Variants in NCALD observed in about 807,000 individuals in gnomAD.
The protein encoded by NCALD is neurocalcin-delta.
NCALD carries 10 observed loss-of-function variants against 18.6 expected under a neutral mutation model. That is an observed-to-expected ratio of 0.54 (90% CI 0.33 to 0.91). The LOEUF (loss-of-function observed/expected upper bound fraction) is 0.91, where lower values mean the gene tolerates loss of function less well. Ranked by LOEUF, NCALD falls within the 40% of genes least tolerant of loss-of-function variation. The probability of loss-of-function intolerance (pLI) is 0.03; values close to 1 mark genes in which losing one functional copy is unlikely to be tolerated. For synonymous variants in NCALD, 88 were observed against 87.4 expected, an observed-to-expected ratio of 1.01 and a Z score of -0.04; for missense variants, 184 against 247.6, an observed-to-expected ratio of 0.74 and a Z score of 1.72.
At chr8:102,063,241 G>C (rs1164154680) in intron 1 of NCALD, among the ~76,000 whole-genome samples, 1 of 152,160 alleles carries the variant, frequency 6.6e-6, no homozygotes, top group Non-Finnish European at 1.5e-5. Flanking sequence ...CATTCATCAT[G>C]CCTGAGCTGC....
At chr8:101,804,906 A>G (rs1813043699) in intron 4 of NCALD, among the ~76,000 whole-genome samples, 1 of 151,736 alleles carries the variant, frequency 6.6e-6, no homozygotes, top group African/African-American at 2.4e-5. Context: ...ATGCCTGTAC[A>G]CTGCAACCTA....
At chr8:101,784,289 G>T (rs555306714) in intron 1 of NCALD, among the ~76,000 whole-genome samples, 11 of 152,028 alleles carry the variant, frequency 7.2e-5, no homozygotes, top group Admixed American at 2.0e-4. Context: ...TGTGGTCTGG[G>T]TTTCCTACAA....
At chr8:102,116,860 G>A (rs1825805529) in intron 1 of NCALD, among the ~76,000 whole-genome samples, 2 of 152,128 alleles carry the variant, frequency 1.3e-5, no homozygotes, top group South Asian at 4.1e-4. Flanking sequence ...TTTGGAAAAA[G>A]GGTCTTTGCA....
chr8:101,929,431 A>G (rs1448853214), intron 2 of NCALD, among the ~76,000 whole-genome samples: 8 of 24,312 alleles, frequency 3.3e-4, no homozygotes, highest in African/African-American at 9.0e-4. Flanking sequence ...GGGAGGAAGG[A>G]AGGAAGGAAA....
At chr8:101,796,527 A>G (rs889960638) in intron 4 of NCALD, among the ~76,000 whole-genome samples, 1 of 152,242 alleles carries the variant, frequency 6.6e-6, no homozygotes, top group African/African-American at 2.4e-5. Context: ...TCACTAAAAA[A>G]TACAATGGAA....
intron 1 of NCALD, among the ~76,000 whole-genome samples, chr8:102,082,447 C>A (rs759461688): frequency 6.6e-6 from 1 of 151,856 alleles, no homozygotes; most frequent in Admixed American, 6.6e-5. Context: ...GAAATTGATA[C>A]AAATGAAAGG....
At position 101,797,241 on chromosome 8, in the gene NCALD, G is replaced by A. The variant is rs902160761; in HGVS notation, c.-19-77593C>T. On this transcript the variant is annotated intron_variant, in intron 4 of 6. Transcript: ENST00000311028. Reference sequence around the variant, plus strand: ...GTCTCAAATGTTTGGGGTTTGCAACGCAAAACAACAAATTTAAAAAGTTCT... The same window carrying A: ...GTCTCAAATGTTTGGGGTTTGCAACACAAAACAACAAATTTAAAAAGTTCT... Among the ~76,000 whole-genome samples the A allele has an allele frequency of 3.3e-5, 5 of 151,992 alleles. No individual in the cohort carries two copies. In the East Asian group the frequency reaches 5.8e-4, roughly 18 times the overall value.
intron 2 of NCALD, among the ~76,000 whole-genome samples, chr8:102,004,843 C>A (rs1292692714): frequency 6.6e-6 from 1 of 152,136 alleles, no homozygotes; most frequent in Non-Finnish European, 1.5e-5. Flanking sequence ...AAAGCTGAAA[C>A]TGGATCCCTT....
chr8:102,029,489 A>G lies in NCALD; in HGVS notation c.-209-9200T>C, dbSNP rs142940014. On this transcript the variant is annotated intron_variant, in intron 1 of 6. Coordinates refer to the NCALD transcript ENST00000311028. ...AAACATGAATGCTATAAGCCAAAAG[A>G]AATTGTCACAGACATTGATGTCATA... Among the ~76,000 whole-genome samples, 774 of 152,350 alleles carry G rather than the reference A, an allele frequency of 5.1e-3. 3 individuals are homozygous for G. Among genetic ancestry groups the G allele is most frequent in the Non-Finnish European group, 8.2e-3 (561 of 68,030 alleles).
At chr8:101,721,610 T>A (rs955549174) in intron 1 of NCALD, among the ~76,000 whole-genome samples, 5 of 152,130 alleles carry the variant, frequency 3.3e-5, no homozygotes, top group African/African-American at 1.2e-4. Context: ...AAAATAAACT[T>A]CTACGGGGTG....
intron 1 of NCALD, among the ~76,000 whole-genome samples, chr8:101,765,814 G>A (rs1811324284): frequency 6.6e-6 from 1 of 152,150 alleles, no homozygotes; most frequent in African/African-American, 2.4e-5. Context: ...AAGATTAAGA[G>A]GTCATTTCAA....
intron 1 of NCALD, among the ~76,000 whole-genome samples, chr8:102,099,828 T>A (rs937565857): frequency 1.3e-5 from 2 of 151,362 alleles, no homozygotes; most frequent in African/African-American, 4.9e-5. Flanking sequence ...ACCAAAAAAA[T>A]TACCAAAGCA....
intron 2 of NCALD, among the ~76,000 whole-genome samples, chr8:101,971,437 A>G (rs1356460778): frequency 3.9e-5 from 6 of 152,082 alleles, no homozygotes. Context: ...AGTTTCCCCC[A>G]TTCTGTTCTC....
chr8:102,094,877 G>C (rs1353048024), intron 1 of NCALD, among the ~76,000 whole-genome samples: 7 of 152,182 alleles, frequency 4.6e-5, no homozygotes, highest in Non-Finnish European at 7.3e-5. Flanking sequence ...ACAAACGATT[G>C]CTGGAAACCA....
chr8:102,009,588 C>T (rs1156549112), intron 2 of NCALD, among the ~76,000 whole-genome samples: 1 of 152,168 alleles, frequency 6.6e-6, no homozygotes, highest in Non-Finnish European at 1.5e-5. Flanking sequence ...AGTGCTGGAG[C>T]ATATAAACCA....
intron 1 of NCALD, among the ~76,000 whole-genome samples, chr8:101,775,782 A>T (rs1263434539): frequency 6.6e-6 from 1 of 152,164 alleles, no homozygotes; most frequent in African/African-American, 2.4e-5. Context: ...TCTTGACTTC[A>T]TCAAGGGCTG....
chr8:102,016,137 G>T (rs988008562), intron 2 of NCALD, among the ~76,000 whole-genome samples: 2 of 152,138 alleles, frequency 1.3e-5, no homozygotes, highest in African/African-American at 4.8e-5. Context: ...GCAAAAGCCT[G>T]CCATCTGCCC....
At position 101,818,398 on chromosome 8, in the gene NCALD, T is replaced by C. The variant is rs111601186; in HGVS notation, c.-20+68743A>G. 5.7e-3 allele frequency among the ~76,000 whole-genome samples: 869 copies of C among 152,298 alleles called. 11 individuals are homozygous for C. Among genetic ancestry groups the C allele is most frequent in the African/African-American group, 0.018 (764 of 41,556 alleles). On this transcript the variant is annotated intron_variant, in intron 4 of 6. Coordinates refer to the NCALD transcript ENST00000311028. ...AGTACCATGATTACAGACAGGAGAATGCTGTCTTAGGAGAGCACACGGCAC... is the reference window on the plus strand; with the variant it reads ...AGTACCATGATTACAGACAGGAGAACGCTGTCTTAGGAGAGCACACGGCAC...
At chr8:102,003,712 G>A (rs1381709264) in intron 2 of NCALD, among the ~76,000 whole-genome samples, 4 of 152,192 alleles carry the variant, frequency 2.6e-5, no homozygotes, top group Non-Finnish European at 5.9e-5. Context: ...TGGGATGCAA[G>A]ACTGGTTCAA....
Sources: gnomAD v4.1 joint callset for allele counts (sites outside exome capture counted in the v4.1 genomes callset) on GRCh38, gnomAD v4.1.1 for gene constraint, MANE v1.5 for transcripts, NCBI Gene and HGNC (gene_info 2026-07-23, HGNC 2026-07-21) for gene names.